The following CHST9 variants were observed in gnomAD, a reference collection of about 807,000 sequenced individuals.
CHST9 encodes GalNAc-4-sulfotransferase 2.
In CHST9, 41 loss-of-function variants were observed where a neutral mutation model predicts 44.4. The ratio of observed to expected loss-of-function variants is 0.92; its 90% CI spans 0.72 to 1.20. The LOEUF is 1.20. CHST9 is among the 50% of genes most tolerant of loss of function. The pLI, the probability that CHST9 is intolerant of heterozygous loss-of-function variation, is 0.00. For missense variants in CHST9, 504 were observed against 516.5 expected (o/e 0.98, Z 0.23); for synonymous variants, 171 against 178.4 (o/e 0.96, Z 0.33).
chr18:27,053,743 T>C (rs977835543), intron 2 of CHST9, among the ~76,000 whole-genome samples: 42 of 152,284 alleles, frequency 2.8e-4, no homozygotes, highest in African/African-American at 9.6e-4. Context: ...GAGTTAGCCA[T>C]TACACCAGGA....
chr18:26,930,236 G>A (rs1247555682), intron 5 of CHST9, among the ~76,000 whole-genome samples: 1 of 152,202 alleles, frequency 6.6e-6, no homozygotes, highest in Non-Finnish European at 1.5e-5. Flanking sequence ...AAGAGAGATT[G>A]CCTGTGGTAT....
chr18:27,007,474 T>A (rs2057030554), intron 4 of CHST9, among the ~76,000 whole-genome samples: 1 of 152,168 alleles, frequency 6.6e-6, no homozygotes, highest in South Asian at 2.1e-4. Flanking sequence ...GTGGCTCTCA[T>A]GTTCTGAAGA....
Position 26,916,917 on chromosome 18 carries a change from G to C in CHST9, c.674C>G (p.Ser225Cys), listed in dbSNP as rs776920325. Residue 225 changes from serine (S) to cysteine (C), a missense_variant, in exon 6 of 6, where the codon TCC (serine) becomes TGC (cysteine). Ser to Cys is a moderately radical substitution (Grantham distance 112). Coordinates refer to ENST00000618847, the MANE Select transcript of CHST9 (RefSeq NM_031422.6). The part of the protein sequence containing the change: ...LYCEVPKAGC[S>C]NWKRILMVLN... ...TACCATCAGAATTCTTTTCCAATTGGAACAGCCAGCCTTAGGTACCTCACA... is the reference window on the plus strand; with the variant it reads ...TACCATCAGAATTCTTTTCCAATTGCAACAGCCAGCCTTAGGTACCTCACA... The C allele has an allele frequency of 1.7e-5, 27 of 1,613,716 alleles. No homozygotes were observed. Among genetic ancestry groups the C allele is most frequent in the Non-Finnish European group, 2.2e-5 (26 of 1,179,850 alleles).
chr18:27,164,061 C>G (rs901069766), intron 1 of CHST9, among the ~76,000 whole-genome samples: 13 of 152,036 alleles, frequency 8.6e-5, no homozygotes, highest in African/African-American at 2.7e-4. Context: ...TCATAGATAC[C>G]AGAAAGAAGC....
chr18:27,056,649 T>C (rs1168524717), intron 2 of CHST9, among the ~76,000 whole-genome samples: 1 of 152,222 alleles, frequency 6.6e-6, no homozygotes, highest in East Asian at 1.9e-4. Flanking sequence ...CTCACCTTGG[T>C]GCCTGGGACA....
intron 1 of CHST9, among the ~76,000 whole-genome samples, chr18:27,168,224 A>G (rs2143949579): frequency 6.6e-6 from 1 of 152,046 alleles, no homozygotes; most frequent in South Asian, 2.1e-4. Flanking sequence ...ACAGGTGCCC[A>G]CCACCACGCC....
intron 2 of CHST9, among the ~76,000 whole-genome samples, chr18:27,115,492 C>A (rs2058311803): frequency 6.6e-6 from 1 of 151,996 alleles, no homozygotes; most frequent in African/African-American, 2.4e-5. Flanking sequence ...TATAAAATTC[C>A]AATTTCTCCA....
chr18:27,102,113 A>G (rs2058178962), intron 2 of CHST9, among the ~76,000 whole-genome samples: 1 of 152,174 alleles, frequency 6.6e-6, no homozygotes, highest in African/African-American at 2.4e-5. Flanking sequence ...CCATGAGTTG[A>G]GGTCAGTGTT....
chr18:27,055,503 A>T (rs190231334), intron 2 of CHST9, among the ~76,000 whole-genome samples: 183 of 152,292 alleles, frequency 1.2e-3, no homozygotes, highest in African/African-American at 4.3e-3. Context: ...TAACTAGGTT[A>T]TAGTGCTAGT....
chr18:26,922,528 T>C (rs1357959176), intron 5 of CHST9, among the ~76,000 whole-genome samples: 1 of 152,208 alleles, frequency 6.6e-6, no homozygotes, highest in East Asian at 1.9e-4. Context: ...GAAAGACATG[T>C]AACTACAGAT....
rs372047660 is a variant in CHST9, at chr18:26,917,237, A to C, written c.354T>G (p.Asp118Glu). The change falls in exon 6 of 6, where the codon GAT becomes GAG. Residue 118 changes from aspartate (D) to glutamate (E), a missense_variant. Coordinates refer to ENST00000618847, the MANE Select transcript of CHST9 (RefSeq NM_031422.6). ...ACCCTGTGGACTTACTTAAAGCTTG[A>C]TCCCCTCCTTGTGAATGACTGGTCT... ...LTKTSHSQGG[D>E]QALSKSTGSP... 2.7e-5 allele frequency: 43 copies of C among 1,613,882 alleles called. No individual in the cohort carries two copies. The African/African-American group carries it at 5.1e-4, about 19-fold the overall frequency.
intron 1 of CHST9, among the ~76,000 whole-genome samples, chr18:27,171,737 T>A (rs2058835064): frequency 6.6e-6 from 1 of 152,210 alleles, no homozygotes; most frequent in East Asian, 1.9e-4. Context: ...GAGTTCTACA[T>A]GCAATATCAG....
intron 2 of CHST9, among the ~76,000 whole-genome samples, chr18:27,051,388 T>C (rs1001448586): frequency 6.6e-6 from 1 of 152,164 alleles, no homozygotes; most frequent in African/African-American, 2.4e-5. Context: ...CACAGCACTC[T>C]AGCCTGAACA....
chr18:27,179,459 A>G (rs2058894635), intron 1 of CHST9, among the ~76,000 whole-genome samples: 1 of 152,054 alleles, frequency 6.6e-6, no homozygotes, highest in Admixed American at 6.6e-5. Flanking sequence ...AATCTTGGTT[A>G]TCTAGCTCTA....
rs535820826 is a variant in CHST9, at chr18:26,986,450, C to T, written c.202+37666G>A. Among the ~76,000 whole-genome samples, 26 of 152,224 alleles carry T rather than the reference C, an allele frequency of 1.7e-4. No individual in the cohort carries two copies. In the South Asian group the frequency reaches 4.4e-3, roughly 26 times the overall value. On this transcript the variant is annotated intron_variant, in intron 4 of 5. Transcript: ENST00000618847. Reference sequence around the variant, plus strand: ...AGAGAATTAGTGAGCTATCAGACAACTTTAAGCAGCCTAATATTTTGTAAT... The same window carrying T: ...AGAGAATTAGTGAGCTATCAGACAATTTTAAGCAGCCTAATATTTTGTAAT...
intron 4 of CHST9, among the ~76,000 whole-genome samples, chr18:27,009,362 CA>C (rs1279921148): frequency 1.3e-5 from 2 of 152,136 alleles, no homozygotes; most frequent in African/African-American, 4.8e-5. Context: ...CAGGCATTTA[CA>C]TGCTCATTTT....
chr18:26,991,741 T>C lies in CHST9; in HGVS notation c.202+32375A>G, dbSNP rs140949989. On this transcript the variant is annotated intron_variant, in intron 4 of 5. Transcript: ENST00000618847. ...CAGTTTTCTGAGGAGGAGGGAGTGA[T>C]CAACTGTGTCAAATGTTTCTGACAG... 1.5e-3 allele frequency among the ~76,000 whole-genome samples: 105 copies of C among 71,942 alleles called. 14 individuals carry two copies. The highest frequency in any genetic ancestry group is 3.6e-3 in the African/African-American group (95 of 26,358). The allele number at this position is 71,942 out of a possible 152,430, so 47.2% of individuals were successfully genotyped here.
chr18:27,011,945 C>T (rs1450722238), intron 4 of CHST9, among the ~76,000 whole-genome samples: 1 of 152,188 alleles, frequency 6.6e-6, no homozygotes, highest in Non-Finnish European at 1.5e-5. Context: ...ACCACCTTTG[C>T]CTTTGCCCTT....
chr18:27,179,217 A>G (rs1306130242), intron 1 of CHST9, among the ~76,000 whole-genome samples: 1 of 151,870 alleles, frequency 6.6e-6, no homozygotes, highest in Non-Finnish European at 1.5e-5. Flanking sequence ...GTCACCACTT[A>G]TTGTCACCCA....
Sources: gnomAD v4.1 joint callset for allele counts (sites outside exome capture counted in the v4.1 genomes callset) on GRCh38, gnomAD v4.1.1 for gene constraint, MANE v1.5 for transcripts, NCBI Gene and HGNC (gene_info 2026-07-23, HGNC 2026-07-21) for gene names.